AASDH: variants seen among roughly 807,000 people sequenced by gnomAD.
AASDH encodes aminoadipate-semialdehyde dehydrogenase, also known as beta-alanine-activating enzyme.
Under a neutral mutation model 102.3 loss-of-function variants are expected in AASDH, and 81 were observed. The observed-to-expected ratio is 0.79, with a 90% CI of 0.66 to 0.95. The LOEUF (loss-of-function observed/expected upper bound fraction) is 0.95. AASDH is among the 40% of genes least tolerant of loss of function. The pLI, the probability that AASDH is intolerant of heterozygous loss-of-function variation, is 0.00. For synonymous variants in AASDH, 398 were observed against 454.0 expected, an observed-to-expected ratio of 0.88 and a Z score of 1.57; for missense variants, 1,203 against 1,266.2, an observed-to-expected ratio of 0.95 and a Z score of 0.76.
At position 56,354,758 on chromosome 4, in the gene AASDH, A is replaced by C; in HGVS notation, c.1157T>G (p.Val386Gly). The C allele has an allele frequency of 1.2e-6, 2 of 1,611,886 alleles. No individual in the cohort carries two copies. The highest frequency in any genetic ancestry group is 1.7e-6 in the Non-Finnish European group (2 of 1,179,062). ...AATTGTGAAGCCATTAGTATCTCTG[A>C]CTTCAACTACTGTTCCAAGAAGTGG... ...GFPLLGTVVE[V>G]RDTNGFTIQE... Residue 386 changes from valine (V) to glycine (G), a missense_variant, in exon 7 of 15, where the codon GTC (valine) becomes GGC (glycine). Val to Gly is a moderately radical substitution (Grantham distance 109, BLOSUM62 -3). Coordinates refer to ENST00000205214, the MANE Select transcript of AASDH (RefSeq NM_181806.4).
chr4:56,356,452 A>G lies in AASDH; in HGVS notation c.862-1029T>C. The G allele has an allele frequency of 5.1e-6, 8 of 1,579,004 alleles. No individual in the cohort carries two copies. In the South Asian group the frequency reaches 9.0e-5, roughly 18 times the overall value. Reference sequence around the variant, plus strand: ...GCCCACAAGTACAGACCAGAGACAAAGCAAGAGAAGAAGCAGAGGCTGTTG... The same window carrying G: ...GCCCACAAGTACAGACCAGAGACAAGGCAAGAGAAGAAGCAGAGGCTGTTG... On this transcript the variant is annotated intron_variant, in intron 5 of 14. Coordinates refer to ENST00000205214, the MANE Select transcript of AASDH (RefSeq NM_181806.4).
chr4:56,361,585 C>T (rs956272593), intron 5 of AASDH, among the ~76,000 whole-genome samples: 3 of 152,050 alleles, frequency 2.0e-5, no homozygotes, highest in African/African-American at 4.8e-5. Context: ...AAAATTTCTT[C>T]CGAGTTTTTT....
intron 5 of AASDH, among the ~76,000 whole-genome samples, chr4:56,355,778 C>T (rs556508148): frequency 6.6e-6 from 1 of 151,916 alleles, no homozygotes; most frequent in Non-Finnish European, 1.5e-5. Flanking sequence ...TACCACCACA[C>T]CTAGCTAATT....
chr4:56,358,756 TC>T (rs1749920976), intron 5 of AASDH, among the ~76,000 whole-genome samples: 1 of 152,142 alleles, frequency 6.6e-6, no homozygotes, highest in Admixed American at 6.5e-5. Context: ...ATATGACTTA[TC>T]CTATGAAATG....
chr4:56,373,335 T>A (rs911882042), intron 4 of AASDH, among the ~76,000 whole-genome samples: 3 of 152,010 alleles, frequency 2.0e-5, no homozygotes, highest in African/African-American at 4.8e-5. Flanking sequence ...AGAGACTGGG[T>A]TTCAACCATG....
Position 56,345,294 on chromosome 4 carries a change from C to G in AASDH, c.2489-4G>C. On this transcript the variant is annotated splice_region_variant and splice_polypyrimidine_tract_variant and intron_variant, in intron 11 of 14. Coordinates refer to ENST00000205214, the MANE Select transcript of AASDH (RefSeq NM_181806.4). The stretch of plus-strand genomic sequence containing the variant: ...TAAACTAATCCATTATAACAGCCTA[C>G]CAAGAAACAAAGCACAAAAGATTTG... The G allele has an allele frequency of 6.2e-7, 1 of 1,610,034 alleles. No individual in the cohort carries two copies. The highest frequency in any genetic ancestry group is 8.5e-7 in the Non-Finnish European group (1 of 1,176,716).
chr4:56,363,145 T>A (rs1240161101), intron 5 of AASDH, among the ~76,000 whole-genome samples: 8 of 152,178 alleles, frequency 5.3e-5, no homozygotes, highest in South Asian at 2.1e-4. Context: ...CAGTCTGAGA[T>A]CAAACCGCAA....
At chr4:56,355,880 G>C (rs1749579270) in intron 5 of AASDH, among the ~76,000 whole-genome samples, 1 of 152,018 alleles carries the variant, frequency 6.6e-6, no homozygotes, top group Admixed American at 6.5e-5. Flanking sequence ...GCCTCCCAAA[G>C]CTCTAGGATT....
chr4:56,349,744 G>C lies in AASDH; in HGVS notation c.2007C>G (p.Phe669Leu), dbSNP rs746867910. The C allele has an allele frequency of 2.7e-5, 43 of 1,614,102 alleles. No homozygotes were observed. The highest frequency in any genetic ancestry group is 3.5e-5 in the Non-Finnish European group (41 of 1,180,048). ...AAGCATTAATCTCATTGTGGCAAGTGAAAGTCATGATGGCTTTCTGATGTA... is the reference window on the plus strand; with the variant it reads ...AAGCATTAATCTCATTGTGGCAAGTCAAAGTCATGATGGCTTTCTGATGTA... ...TSLHQKAIMT[F>L]TCHNEINAFV... The change falls in exon 11 of 15, where the codon TTC (phenylalanine) becomes TTG (leucine). Residue 669 changes from phenylalanine (F) to leucine (L), a missense_variant. By Grantham distance (22) the Phe-to-Leu change is conservative. Transcript: ENST00000205214.
intron 4 of AASDH, among the ~76,000 whole-genome samples, chr4:56,374,769 A>G (rs915017060): frequency 3.3e-5 from 5 of 152,138 alleles, no homozygotes; most frequent in Admixed American, 3.3e-4. Context: ...TTTAATTCTC[A>G]GTCCCCTAGA....
intron 3 of AASDH, 30 bp from the exon 4 acceptor site, chr4:56,378,494 T>G (rs769518873): frequency 6.7e-7 from 1 of 1,483,130 alleles, no homozygotes; most frequent in African/African-American, 1.4e-5. Context: ...AAGTTTACAG[T>G]ATTAGTATGT....
At chr4:56,350,921 A>T (rs1047903683) in intron 10 of AASDH, among the ~76,000 whole-genome samples, 1 of 152,230 alleles carries the variant, frequency 6.6e-6, no homozygotes, top group Non-Finnish European at 1.5e-5. Context: ...AAACTCTCTC[A>T]AGTAGAAATA....
At chr4:56,370,473 T>C (rs1751559215) in intron 5 of AASDH, among the ~76,000 whole-genome samples, 1 of 151,706 alleles carries the variant, frequency 6.6e-6, no homozygotes, top group Non-Finnish European at 1.5e-5. Context: ...TATTAGGAGG[T>C]AGGGCCTTTG....
intron 4 of AASDH, among the ~76,000 whole-genome samples, chr4:56,376,678 G>A (rs185816328): frequency 8.0e-4 from 122 of 152,156 alleles, no homozygotes; most frequent in Non-Finnish European, 1.4e-3. Flanking sequence ...AAGATGATTA[G>A]CATAAAAAAT....
chr4:56,382,569 G>T lies in AASDH; in HGVS notation c.259C>A (p.Pro87Thr). 6.2e-7 allele frequency: 1 copy of T among 1,610,406 alleles called. No individual in the cohort carries two copies. The highest frequency in any genetic ancestry group is 2.2e-5 in the East Asian group (1 of 44,726). The change falls in exon 3 of 15, where the codon CCT becomes ACT. Residue 87 changes from proline to threonine, a missense_variant. By Grantham distance (38) the Pro-to-Thr change is conservative. Transcript: ENST00000205214. Reference protein sequence around the residue: ...GILQVPAAYVPIEPDSPPSLS... With the variant: ...GILQVPAAYVTIEPDSPPSLS... Reference sequence around the variant, plus strand: ...GACGGTGGTGAATCTGGCTCGATAGGTACATAAGCAGCCGGGACTTGGAGA... The same window carrying T: ...GACGGTGGTGAATCTGGCTCGATAGTTACATAAGCAGCCGGGACTTGGAGA...
chr4:56,342,794 T>C, intron 14 of AASDH, 41 bp downstream of exon 14: 3 of 787,184 alleles, frequency 3.8e-6, no homozygotes, highest in Non-Finnish European at 4.9e-6. Context: ...CATTTATATA[T>C]ATATAAAAAT....
intron 4 of AASDH, among the ~76,000 whole-genome samples, chr4:56,377,594 T>A (rs1752507699): frequency 6.6e-6 from 1 of 152,206 alleles, no homozygotes; most frequent in South Asian, 2.1e-4. Context: ...ATAATTAAGA[T>A]GCAAAGCTTC....
chr4:56,346,597 CTG>C (rs1241548904), intron 11 of AASDH, among the ~76,000 whole-genome samples: 14 of 152,200 alleles, frequency 9.2e-5, no homozygotes, highest in African/African-American at 3.4e-4. Context: ...AAGCCCCAGA[CTG>C]AGAGAAAACA....
chr4:56,373,388 C>G lies in AASDH; in HGVS notation c.669-1745G>C, dbSNP rs1413546700. 7.2e-5 allele frequency among the ~76,000 whole-genome samples: 11 copies of G among 152,212 alleles called. No homozygotes were observed. The East Asian group carries it at 1.9e-3, about 27-fold the overall frequency. ...GAACTCCTGACCTCAAATGATCCAC[C>G]CACCTCAGCCTCCCAAAGTGCTGGG... On this transcript the variant is annotated intron_variant, in intron 4 of 14. Transcript: ENST00000205214.
Sources: gnomAD v4.1 joint callset for allele counts (sites outside exome capture counted in the v4.1 genomes callset) on GRCh38, gnomAD v4.1.1 for gene constraint, MANE v1.5 for transcripts, NCBI Gene and HGNC (gene_info 2026-07-23, HGNC 2026-07-21) for gene names.